STK3: variants seen among roughly 807,000 people sequenced by gnomAD.
STK3 encodes serine/threonine-protein kinase 3.
A neutral mutation model predicts 58.0 loss-of-function variants in STK3; 41 were observed. The observed-to-expected ratio is 0.71, with a 90% CI of 0.55 to 0.92. STK3 has a LOEUF of 0.92. Ranked by LOEUF, STK3 falls within the 40% of genes least tolerant of loss-of-function variation. The pLI, the probability that STK3 is intolerant of heterozygous loss-of-function variation, is 0.00. For missense variants in STK3, 479 were observed against 602.7 expected (o/e 0.79, Z 2.15); for synonymous variants, 170 against 191.0 (o/e 0.89, Z 0.91).
downstream of STK3, among the ~76,000 whole-genome samples, chr8:98,451,601 GA>G (rs2131121604): frequency 6.6e-6 from 1 of 152,286 alleles, no homozygotes; most frequent in East Asian, 1.9e-4. Context: ...CATGAAGTAG[GA>G]ATTGTTTTTC....
chr8:98,456,245 TA>T (rs1819481613), intron 10 of STK3, among the ~76,000 whole-genome samples: 1 of 152,168 alleles, frequency 6.6e-6, no homozygotes, highest in African/African-American at 2.4e-5. Flanking sequence ...CTGCCTTTAA[TA>T]AAGGGCAAAT....
At chr8:98,452,503 C>T (rs187593437), downstream of STK3, among the ~76,000 whole-genome samples, 4 of 152,216 alleles carry the variant, frequency 2.6e-5, no homozygotes, top group African/African-American at 7.2e-5. Flanking sequence ...AAAGAAAAAA[C>T]TTTATCATCT....
At chr8:98,897,477 G>A (rs1284287610) in intron 1 of STK3, among the ~76,000 whole-genome samples, 1 of 151,574 alleles carries the variant, frequency 6.6e-6, no homozygotes, top group Non-Finnish European at 1.5e-5. Flanking sequence ...GCAGGAGAAT[G>A]GCGTGAACTC....
intron 10 of STK3, among the ~76,000 whole-genome samples, chr8:98,512,123 C>T (rs1824566620): frequency 2.0e-5 from 3 of 151,796 alleles, no homozygotes; most frequent in African/African-American, 7.2e-5. Flanking sequence ...CCTCCCTCCT[C>T]CCCCCACCAC....
chr8:98,519,763 G>A (rs1025387707), intron 10 of STK3, among the ~76,000 whole-genome samples: 3 of 152,002 alleles, frequency 2.0e-5, no homozygotes, highest in African/African-American at 7.2e-5. Flanking sequence ...GTGTGGCCCT[G>A]GAGGATTCTT....
intron 6 of STK3, among the ~76,000 whole-genome samples, chr8:98,678,226 T>TA (rs1262602584): frequency 1.3e-5 from 2 of 152,112 alleles, no homozygotes; most frequent in Non-Finnish European, 2.9e-5. Flanking sequence ...ATCAGTTTCT[T>TA]AAGGTTAAAA....
At chr8:98,499,882 G>A (rs11990831) in intron 10 of STK3, among the ~76,000 whole-genome samples, 3,385 of 152,230 alleles carry the variant, frequency 0.022, 124 homozygotes, top group African/African-American at 0.076. Flanking sequence ...GAAATGGGTT[G>A]AGGCTTCTGG....
rs3085954 is a variant in STK3 at position 98,906,989 on chromosome 8, T to TAAAAAAAAAA, written c.-78-23165_-78-23156dup. ...ATAGGGATAACCCCATCTCTACCAA[T>TAAAAAAAAAA]AAAAAAAAAAAAAAAAAAATTAGCC... On this transcript the variant is annotated intron_variant, in intron 1 of 1. Coordinates refer to the STK3 transcript ENST00000519420. 5.6e-4 allele frequency among the ~76,000 whole-genome samples: 53 copies of TAAAAAAAAAA among 94,770 alleles called. 2 individuals are homozygous for TAAAAAAAAAA. Among genetic ancestry groups the TAAAAAAAAAA allele is most frequent in the African/African-American group, 2.0e-3 (49 of 23,920 alleles). The allele number at this position is 94,770 out of a possible 152,430, so 62.2% of individuals were successfully genotyped here. A position where few individuals can be genotyped will look rare whatever the true frequency, so the allele number is the denominator to read the frequency against.
rs192430120 is a variant in STK3 at position 98,440,797 on chromosome 8, A to C, written n.186-3589T>G. On this transcript the variant is annotated intron_variant and non_coding_transcript_variant, in intron 1 of 3. Transcript: ENST00000517832. ...TTTCCCTTTCTCAAAAACCCTATAA[A>C]ATAGGTTCTAGTATAATTTTCACTG... Among the ~76,000 whole-genome samples, 62 of 152,302 alleles carry C rather than the reference A, an allele frequency of 4.1e-4. 1 individual carries two copies. The highest frequency in any genetic ancestry group is 3.9e-3 in the Admixed American group (59 of 15,298).
At chr8:98,607,876 T>C (rs780284140) in intron 6 of STK3, among the ~76,000 whole-genome samples, 9 of 152,142 alleles carry the variant, frequency 5.9e-5, no homozygotes, top group African/African-American at 9.6e-5. Context: ...AGCTTCTATC[T>C]GCCACCATGA....
chr8:98,495,193 C>T (rs1011257641), intron 10 of STK3, among the ~76,000 whole-genome samples: 1 of 152,126 alleles, frequency 6.6e-6, no homozygotes, highest in Non-Finnish European at 1.5e-5. Context: ...AAAAGTTTCA[C>T]AGTTCTAACC....
Position 98,455,602 on chromosome 8 carries a change from T to C in STK3, c.*240A>G. 1.9e-6 allele frequency: 1 copy of C among 521,368 alleles called. No homozygotes were observed. Among genetic ancestry groups the C allele is most frequent in the Non-Finnish European group, 3.4e-6 (1 of 294,226 alleles). The allele number at this position is 521,368 out of a possible 1,614,324, so 32.3% of individuals were successfully genotyped here. On this transcript the variant is annotated 3_prime_UTR_variant, in exon 11 of 11. Transcript: ENST00000419617. ...TTTCATAACAGTTTTATTACTGGTATGCAGCTGACAGAACAAGAGAATACA... is the reference window on the plus strand; with the variant it reads ...TTTCATAACAGTTTTATTACTGGTACGCAGCTGACAGAACAAGAGAATACA...
At chr8:98,738,559 A>T (rs1250454686) in intron 4 of STK3, among the ~76,000 whole-genome samples, 1 of 152,224 alleles carries the variant, frequency 6.6e-6, no homozygotes, top group Admixed American at 6.5e-5. Flanking sequence ...TTGCATCCCA[A>T]ACATCAAGCA....
At chr8:98,779,756 A>G (rs1182852742) in intron 1 of STK3, among the ~76,000 whole-genome samples, 1 of 152,166 alleles carries the variant, frequency 6.6e-6, no homozygotes, top group Non-Finnish European at 1.5e-5. Flanking sequence ...TTACAGCTGC[A>G]TCCTATTCAA....
At chr8:98,745,728 C>A (rs1446870396) in intron 4 of STK3, among the ~76,000 whole-genome samples, 4 of 151,946 alleles carry the variant, frequency 2.6e-5, no homozygotes, top group Non-Finnish European at 5.9e-5. Flanking sequence ...CAAAACCTAC[C>A]GAGAAACTGA....
chr8:98,577,240 A>G (rs1813483040), intron 8 of STK3, among the ~76,000 whole-genome samples: 1 of 152,188 alleles, frequency 6.6e-6, no homozygotes. Flanking sequence ...TAATCCCAGC[A>G]CTTTGGGAGG....
intron 8 of STK3, among the ~76,000 whole-genome samples, chr8:98,557,792 A>T (rs1385471969): frequency 6.6e-6 from 1 of 152,128 alleles, no homozygotes; most frequent in East Asian, 1.9e-4. Flanking sequence ...TCTTTAGCAA[A>T]CAGAAACTTC....
At chr8:98,517,731 G>A (rs374179735) in intron 10 of STK3, among the ~76,000 whole-genome samples, 3 of 151,766 alleles carry the variant, frequency 2.0e-5, no homozygotes, top group South Asian at 2.1e-4. Flanking sequence ...TTTTGAAATC[G>A]AATGCTTTAT....
At chr8:98,868,625 G>C (rs1369074522) in intron 3 of STK3, among the ~76,000 whole-genome samples, 1 of 152,094 alleles carries the variant, frequency 6.6e-6, no homozygotes, top group East Asian at 1.9e-4. Context: ...GGGTTAAATT[G>C]TGGCCTCCAA....
Sources: allele counts gnomAD v4.1 joint callset (sites outside exome capture counted in the v4.1 genomes callset), GRCh38; gene constraint gnomAD v4.1.1; transcripts MANE v1.5; gene names NCBI Gene and HGNC (gene_info 2026-07-23, HGNC 2026-07-21).